SIDT1: variants seen among roughly 807,000 people sequenced by gnomAD.
SIDT1 encodes SID1 transmembrane family, member 1.
In SIDT1, 101 loss-of-function variants were observed where a neutral mutation model predicts 107.5. That is an observed-to-expected ratio of 0.94 (90% CI 0.80 to 1.11). SIDT1 has a LOEUF of 1.11. SIDT1 is among the 50% of genes least tolerant of loss of function. The pLI, the probability that SIDT1 is intolerant of heterozygous loss-of-function variation, is 0.00. For synonymous variants in SIDT1, 395 were observed against 398.2 expected (o/e 0.99, Z 0.10); for missense variants, 1,076 against 1,058.2 (o/e 1.02, Z -0.23).
chr3:113,603,091 GAGAGCGACT>G lies in SIDT1; in HGVS notation c.1205_1213del (p.Glu402_Phe405delinsVal). ...GTCAGACACAGACAGCTCCGTGGAGGAGAGCGACTTCGACACCATGCCAGACATTGAGAG... is the reference window on the plus strand; with the variant it reads ...GTCAGACACAGACAGCTCCGTGGAGGTCGACACCATGCCAGACATTGAGAG... On this transcript the variant is annotated inframe_deletion, in exon 12 of 25. Coordinates refer to ENST00000264852, the MANE Select transcript of SIDT1 (RefSeq NM_017699.3). The G allele has an allele frequency of 6.2e-7, 1 of 1,614,170 alleles. No homozygotes were observed. The highest frequency in any genetic ancestry group is 2.2e-5 in the East Asian group (1 of 44,888).
At chr3:113,620,818 C>T (rs758706749) in intron 21 of SIDT1, among the ~76,000 whole-genome samples, 1 of 152,108 alleles carries the variant, frequency 6.6e-6, no homozygotes, top group African/African-American at 2.4e-5. Flanking sequence ...GAAAAGGGAC[C>T]AACCTCTTGA....
At chr3:113,599,403 C>T (rs1043682953) in intron 10 of SIDT1, among the ~76,000 whole-genome samples, 2 of 152,214 alleles carry the variant, frequency 1.3e-5, no homozygotes, top group African/African-American at 4.8e-5. Flanking sequence ...TGAGCCTCAA[C>T]CTCTTTGTCT....
chr3:113,618,212 A>T (rs773105980), intron 20 of SIDT1, among the ~76,000 whole-genome samples: 15 of 152,230 alleles, frequency 9.9e-5, no homozygotes, highest in Non-Finnish European at 1.5e-4. Context: ...CCACTTAGTA[A>T]TAAGCATTTA....
At chr3:113,553,036 G>A (rs1940449421) in intron 1 of SIDT1, among the ~76,000 whole-genome samples, 1 of 152,234 alleles carries the variant, frequency 6.6e-6, no homozygotes, top group East Asian at 1.9e-4. Flanking sequence ...ATGTGACAGG[G>A]GGAAAAGCTG....
At chr3:113,559,794 T>A (rs748588158) in intron 1 of SIDT1, among the ~76,000 whole-genome samples, 4 of 152,178 alleles carry the variant, frequency 2.6e-5, no homozygotes, top group Non-Finnish European at 5.9e-5. Context: ...GGTGGTGGTT[T>A]TTTTCTTATG....
At chr3:113,596,726 A>C (rs943537736) in intron 10 of SIDT1, among the ~76,000 whole-genome samples, 1 of 152,240 alleles carries the variant, frequency 6.6e-6, no homozygotes, top group Non-Finnish European at 1.5e-5. Flanking sequence ...GAGCCTCTAC[A>C]GAAATTCAGT....
intron 3 of SIDT1, among the ~76,000 whole-genome samples, chr3:113,572,341 G>C (rs540922266): frequency 6.6e-6 from 1 of 152,330 alleles, no homozygotes; most frequent in South Asian, 2.1e-4. Flanking sequence ...GCAGTCTTCA[G>C]GAACACATCA....
Position 113,583,423 on chromosome 3 carries a change from A to T in SIDT1, c.762A>T (p.Pro254=), listed in dbSNP as rs1240791363. The part of the protein sequence containing the change: ...AAITLQKKDF[P]GEQFFVVFVI... ...GTCTTATGCAGAAGAAGGATTTTCCAGGCGAGCAGTTCTTCGTGGTATTTG... is the reference window on the plus strand; with the variant it reads ...GTCTTATGCAGAAGAAGGATTTTCCTGGCGAGCAGTTCTTCGTGGTATTTG... Residue 254 remains proline, a synonymous_variant, in exon 7 of 25, where the codon CCA becomes CCT. Coordinates refer to ENST00000264852, the MANE Select transcript of SIDT1 (RefSeq NM_017699.3). 3 of 1,598,156 alleles carry T rather than the reference A, an allele frequency of 1.9e-6. No homozygotes were observed. In the South Asian group the frequency reaches 3.4e-5, roughly 18 times the overall value.
chr3:113,542,424 A>G (rs1939019647), intron 1 of SIDT1, among the ~76,000 whole-genome samples: 1 of 152,136 alleles, frequency 6.6e-6, no homozygotes, highest in South Asian at 2.1e-4. Context: ...ATTACTTTAT[A>G]TCTTTTTAAA....
In SIDT1 at chr3:113,532,936, C is replaced by T; in HGVS notation, c.-86C>T. The T allele has an allele frequency of 1.0e-6, 1 of 954,972 alleles. No individual in the cohort carries two copies. 59.2% of individuals were successfully genotyped at this position (954,972 alleles called of 1,614,324 possible). Reference sequence around the variant, plus strand: ...CTCGGCTCTGAAGCGGACGCCTGGCCCTGCACCGGGCTTTGGAAGGACCCT... The same window carrying T: ...CTCGGCTCTGAAGCGGACGCCTGGCTCTGCACCGGGCTTTGGAAGGACCCT... On this transcript the variant is annotated 5_prime_UTR_variant, in exon 1 of 25. Coordinates refer to ENST00000264852, the MANE Select transcript of SIDT1 (RefSeq NM_017699.3).
chr3:113,600,831 G>A (rs1170427836), intron 10 of SIDT1, among the ~76,000 whole-genome samples: 1 of 152,166 alleles, frequency 6.6e-6, no homozygotes, highest in Non-Finnish European at 1.5e-5. Context: ...CCCAAGAAAG[G>A]CCAGGGAACA....
At chr3:113,592,758 T>G in intron 9 of SIDT1, 1 of 407,252 alleles carries the variant, frequency 2.5e-6, no homozygotes, top group East Asian at 5.1e-5. Flanking sequence ...CAGCTAATTT[T>G]TGTATTTTTA....
intron 1 of SIDT1, among the ~76,000 whole-genome samples, chr3:113,550,717 T>A (rs540180014): frequency 1.6e-4 from 24 of 152,258 alleles, no homozygotes; most frequent in South Asian, 6.2e-4. Context: ...TTTAAAAAAA[T>A]TTTTTTAAGT....
At chr3:113,583,368 C>G (rs1943506425) in intron 6 of SIDT1, 41 bp from the exon 7 acceptor site, 2 of 1,503,914 alleles carry the variant, frequency 1.3e-6, no homozygotes, top group South Asian at 1.2e-5. Context: ...CCTTCTACCT[C>G]TTTCTTACCG....
chr3:113,619,720 G>C lies in SIDT1; in HGVS notation c.2084G>C (p.Trp695Ser), dbSNP rs1946330194. 1 of 1,613,816 alleles carries C rather than the reference G, an allele frequency of 6.2e-7. No individual in the cohort carries two copies. The highest frequency in any genetic ancestry group is 1.3e-5 in the African/African-American group (1 of 74,898). Residue 695 changes from tryptophan to serine, a missense_variant, in exon 21 of 25, where the codon TGG (tryptophan) becomes TCG (serine). Trp to Ser is a radical substitution (Grantham distance 177). Coordinates refer to ENST00000264852, the MANE Select transcript of SIDT1 (RefSeq NM_017699.3). The part of the protein sequence containing the change: ...VLLVVGNLVN[W>S]SFALFGLIYR... Reference sequence around the variant, plus strand: ...CTGGTTGTGGGGAATCTGGTTAACTGGTCCTTGTAAGTAGTCTTATGAAAA... The same window carrying C: ...CTGGTTGTGGGGAATCTGGTTAACTCGTCCTTGTAAGTAGTCTTATGAAAA...
At chr3:113,636,975 A>T in the SIDT1 span, among the ~76,000 whole-genome samples, 2 of 152,186 alleles carry the variant, frequency 1.3e-5, no homozygotes, top group African/African-American at 4.8e-5. Flanking sequence ...ATAAACAGGT[A>T]AGAATGAGAA....
At chr3:113,586,092 T>A (rs1201412593) in intron 9 of SIDT1, among the ~76,000 whole-genome samples, 1 of 152,186 alleles carries the variant, frequency 6.6e-6, no homozygotes, top group Non-Finnish European at 1.5e-5. Flanking sequence ...GCTACCTCAG[T>A]GATACAACTA....
downstream of SIDT1, among the ~76,000 whole-genome samples, chr3:113,632,501 C>G (rs1360402220): frequency 2.0e-5 from 3 of 152,198 alleles, no homozygotes; most frequent in Non-Finnish European, 4.4e-5. Flanking sequence ...GAGGTTTACT[C>G]TGCGTTTATC....
chr3:113,601,420 G>A (rs1944950233), intron 10 of SIDT1, 168 bp from the exon 11 acceptor site: 1 of 504,722 alleles, frequency 2.0e-6, no homozygotes, highest in Non-Finnish European at 3.5e-6. Flanking sequence ...GAAACAGGTG[G>A]CAGGCTAGAT....
Sources: allele counts gnomAD v4.1 joint callset (sites outside exome capture counted in the v4.1 genomes callset), GRCh38; gene constraint gnomAD v4.1.1; transcripts MANE v1.5; gene names NCBI Gene and HGNC (gene_info 2026-07-23, HGNC 2026-07-21).